ETFA: variants seen among roughly 807,000 people sequenced by gnomAD.
ETFA encodes electron transfer flavoprotein subunit alpha, also known as electron transfer flavoprotein subunit alpha, mitochondrial.
A neutral mutation model predicts 46.2 loss-of-function variants in ETFA; 22 were observed. The ratio of observed to expected loss-of-function variants is 0.48; its 90% CI spans 0.34 to 0.68. The LOEUF is 0.68. Ranked by LOEUF, ETFA falls within the 30% of genes least tolerant of loss-of-function variation. The pLI, the probability that ETFA is intolerant of heterozygous loss-of-function variation, is 0.01. For missense variants in ETFA, 345 were observed against 401.1 expected (o/e 0.86, Z 1.19); for synonymous variants, 131 against 139.9 (o/e 0.94, Z 0.45).
intron 9 of ETFA, among the ~76,000 whole-genome samples, chr15:76,262,553 G>A (rs774771994): frequency 7.3e-6 from 1 of 136,100 alleles, no homozygotes; most frequent in Non-Finnish European, 1.5e-5. Context: ...TGCAATCTCG[G>A]CTCACTGCAA....
rs756864231 is a variant in ETFA, at chr15:76,283,770, T to C, written c.720A>G (p.Gln240=). ...NFKLLYDLAD[Q]LHAAVGASRA... ...AAATAACTTTACCTGCAGCATGTAGTTGATCTGCCAAGTCATATAACAACT... is the reference window on the plus strand; with the variant it reads ...AAATAACTTTACCTGCAGCATGTAGCTGATCTGCCAAGTCATATAACAACT... The change falls in exon 8 of 12, where the codon CAA becomes CAG. Residue 240 remains glutamine, a synonymous_variant. Transcript: ENST00000557943. 2.7e-5 allele frequency: 44 copies of C among 1,605,250 alleles called. No homozygotes were observed. In the East Asian group the frequency reaches 9.4e-4, roughly 34 times the overall value.
At chr15:76,297,821 A>G (rs2039840532) in intron 1 of ETFA, among the ~76,000 whole-genome samples, 1 of 152,198 alleles carries the variant, frequency 6.6e-6, no homozygotes, top group South Asian at 2.1e-4. Flanking sequence ...TGACTCCTCT[A>G]TAATTTTTAA....
intron 2 of ETFA, among the ~76,000 whole-genome samples, chr15:76,295,012 T>C (rs992647177): frequency 1.3e-5 from 2 of 152,212 alleles, no homozygotes; most frequent in African/African-American, 4.8e-5. Context: ...CACTCATCTA[T>C]ATTGCAGGCT....
intron 1 of ETFA, among the ~76,000 whole-genome samples, chr15:76,308,929 A>G (rs2039962143): frequency 6.6e-6 from 1 of 152,262 alleles, no homozygotes; most frequent in Non-Finnish European, 1.5e-5. Context: ...GTGGAAAGAT[A>G]AAGCAAATGT....
In ETFA at chr15:76,285,743, A is replaced by G. The variant is rs2141530823; in HGVS notation, c.563-5T>C. ...CCACTGGTGAAGTACTTGATGCTGCATACATTAATACATAATAAAACAATG... is the reference window on the plus strand; with the variant it reads ...CCACTGGTGAAGTACTTGATGCTGCGTACATTAATACATAATAAAACAATG... On this transcript the variant is annotated splice_polypyrimidine_tract_variant and splice_region_variant and intron_variant, in intron 6 of 11. Transcript: ENST00000557943. 2 of 1,434,838 alleles carry G rather than the reference A, an allele frequency of 1.4e-6. No individual in the cohort carries two copies. The highest frequency in any genetic ancestry group is 2.8e-5 in the African/African-American group (2 of 71,492). The allele number at this position is 1,434,838 out of a possible 1,614,324, so 88.9% of individuals were successfully genotyped here.
intron 11 of ETFA, chr15:76,217,688 T>C (rs1022063145): frequency 2.5e-5 from 11 of 446,006 alleles, no homozygotes; most frequent in Admixed American, 7.2e-5. Context: ...CTGCAGGGAA[T>C]GTCACACAGA....
In ETFA at chr15:76,234,232, T is replaced by C. The variant is rs530899133; in HGVS notation, c.817-2834A>G. The stretch of plus-strand genomic sequence containing the variant: ...ATAACCCAGAACAAGTATAGGGATT[T>C]TGGCGGCTGCTCTGAGGCTCTGATA... On this transcript the variant is annotated intron_variant, in intron 9 of 11. Transcript: ENST00000557943. 2.0e-5 allele frequency among the ~76,000 whole-genome samples: 3 copies of C among 152,308 alleles called. No homozygotes were observed. The East Asian group carries it at 5.8e-4, about 29-fold the overall frequency.
At chr15:76,267,396 T>TATGGC (rs1166691025) in intron 9 of ETFA, among the ~76,000 whole-genome samples, 6 of 152,244 alleles carry the variant, frequency 3.9e-5, no homozygotes, top group African/African-American at 1.4e-4. Context: ...AACAAGCCTA[T>TATGGC]ATTAATTCGC....
chr15:76,300,052 A>G (rs1365422575), intron 1 of ETFA, among the ~76,000 whole-genome samples: 1 of 152,186 alleles, frequency 6.6e-6, no homozygotes, highest in Non-Finnish European at 1.5e-5. Flanking sequence ...CAAATTACCA[A>G]CAAACCCTTT....
At chr15:76,268,189 CA>C (rs57096514) in intron 9 of ETFA, among the ~76,000 whole-genome samples, 21,122 of 106,940 alleles carry the variant, frequency 0.2, 1,986 homozygotes, top group African/African-American at 0.35. Flanking sequence ...CCAGCTACAG[CA>C]AAAAAAAAAA....
At chr15:76,279,821 T>G (rs1344524319) in intron 8 of ETFA, among the ~76,000 whole-genome samples, 1 of 152,108 alleles carries the variant, frequency 6.6e-6, no homozygotes, top group Non-Finnish European at 1.5e-5. Context: ...TCACTCCTTT[T>G]TGGTCTTCTT....
intron 1 of ETFA, among the ~76,000 whole-genome samples, chr15:76,299,516 C>CA: frequency 6.6e-6 from 1 of 152,126 alleles, no homozygotes; most frequent in African/African-American, 2.4e-5. Context: ...CTCCTGGGCT[C>CA]AAACGATCCT....
At chr15:76,251,261 G>A (rs568032030) in intron 9 of ETFA, among the ~76,000 whole-genome samples, 30 of 152,186 alleles carry the variant, frequency 2.0e-4, no homozygotes, top group African/African-American at 5.8e-4. Context: ...GGGGTCCAGA[G>A]GAAAAGCAGA....
At chr15:76,225,187 G>T (rs1283486354) in intron 11 of ETFA, among the ~76,000 whole-genome samples, 1 of 151,954 alleles carries the variant, frequency 6.6e-6, no homozygotes, top group Non-Finnish European at 1.5e-5. Context: ...ATTTCTTTAG[G>T]GTACCTGCCA....
chr15:76,229,710 C>G lies in ETFA; in HGVS notation c.882+1623G>C, dbSNP rs141448249. ...CCTACCATCCAACTGTAAAATCTGA[C>G]TGGTTTTGGGCCAGTTCATTTAGAA... On this transcript the variant is annotated intron_variant, in intron 10 of 11. Coordinates refer to ENST00000557943, the MANE Select transcript of ETFA (RefSeq NM_000126.4). Among the ~76,000 whole-genome samples, 10 of 152,264 alleles carry G rather than the reference C, an allele frequency of 6.6e-5. No homozygotes were observed. The East Asian group carries it at 1.7e-3, about 26-fold the overall frequency.
intron 5 of ETFA, among the ~76,000 whole-genome samples, chr15:76,286,751 T>C (rs952733160): frequency 1.3e-4 from 20 of 152,120 alleles, no homozygotes; most frequent in Admixed American, 2.0e-4. Context: ...ACTAAGAAGG[T>C]ACACTACACC....
intron 10 of ETFA, chr15:76,228,253 C>G: frequency 3.0e-6 from 1 of 335,734 alleles, no homozygotes; most frequent in Non-Finnish European, 5.8e-6. Context: ...GTGGTACAAT[C>G]AGCTCACAGA....
intron 4 of ETFA, among the ~76,000 whole-genome samples, chr15:76,291,602 T>C (rs944802818): frequency 6.6e-6 from 1 of 150,736 alleles, no homozygotes; most frequent in African/African-American, 2.4e-5. Context: ...TACAAAAAAT[T>C]AGCCGGGCGA....
intron 1 of ETFA, among the ~76,000 whole-genome samples, chr15:76,299,415 C>T (rs972232012): frequency 2.0e-5 from 3 of 152,154 alleles, no homozygotes; most frequent in African/African-American, 7.2e-5. Flanking sequence ...TCCCAAGTCG[C>T]TGGGACCACA....
Sources: allele counts gnomAD v4.1 joint callset (sites outside exome capture counted in the v4.1 genomes callset), GRCh38; gene constraint gnomAD v4.1.1; transcripts MANE v1.5; gene names NCBI Gene and HGNC (gene_info 2026-07-23, HGNC 2026-07-21).